SHMT1: variants seen among roughly 807,000 people sequenced by gnomAD.
The protein encoded by SHMT1 is serine hydroxymethyltransferase, cytosolic.
A neutral mutation model predicts 49.0 loss-of-function variants in SHMT1; 45 were observed. That is an observed-to-expected ratio of 0.92 (90% CI 0.72 to 1.18). SHMT1 has a LOEUF of 1.18. Ranked by LOEUF, SHMT1 falls within the 50% of genes most tolerant of loss-of-function variation. The pLI is 0.00. For synonymous variants in SHMT1, 232 were observed against 246.6 expected (o/e 0.94, Z 0.55); for missense variants, 541 against 612.4 (o/e 0.88, Z 1.23).
At chr17:18,350,062 C>T (rs1472725745) in intron 3 of SHMT1, among the ~76,000 whole-genome samples, 1 of 152,038 alleles carries the variant, frequency 6.6e-6, no homozygotes, top group Non-Finnish European at 1.5e-5. Flanking sequence ...GGCACGGTGG[C>T]TCACGCCTGT....
chr17:18,340,139 C>G lies in SHMT1; in HGVS notation c.718G>C (p.Val240Leu), dbSNP rs150889470. ...AHISGLVAAG[V>L]VPSPFEHCHV... is the part of the protein sequence containing the mutation. ...CAGTGTTCAAATGGGGAGGGCACCA[C>G]GCCAGCCGCCACCAGCCCGCTGATG... The change falls in exon 7 of 12, where the codon GTG (valine) becomes CTG (leucine). Residue 240 changes from valine (V) to leucine (L), a missense_variant. Physicochemically the swap from Val to Leu is conservative, Grantham distance 32. Transcript: ENST00000316694. The surrounding 1 kb of genome is among the most constrained non-coding windows in gnomAD (Gnocchi z 4.5). The G allele has an allele frequency of 3.1e-6, 5 of 1,614,150 alleles. No homozygotes were observed. Among genetic ancestry groups the G allele is most frequent in the Non-Finnish European group, 4.2e-6 (5 of 1,180,026 alleles).
rs749330512 is a variant in SHMT1, at chr17:18,328,890, C to T, written c.1312G>A (p.Asp438Asn). The change falls in exon 12 of 12, where the codon GAC (aspartate) becomes AAC (asparagine). Residue 438 changes from aspartate to asparagine, a missense_variant. Coordinates refer to ENST00000316694, the MANE Select transcript of SHMT1 (RefSeq NM_004169.5). ...GIELTLQIQS[D>N]TGVRATLKEF... ...TTCAGGGTGGCTCTGACACCAGTGT[C>T]GCTCTGGATCTGCAGGGTCAGCTCT... 9 of 1,613,844 alleles carry T rather than the reference C, an allele frequency of 5.6e-6. No individual in the cohort carries two copies. Among genetic ancestry groups the T allele is most frequent in the South Asian group, 2.2e-5 (2 of 91,070 alleles).
chr17:18,330,121 G>A (rs1054482419), intron 10 of SHMT1, among the ~76,000 whole-genome samples: 4 of 150,566 alleles, frequency 2.7e-5, no homozygotes, highest in Non-Finnish European at 5.9e-5. Flanking sequence ...TTACAGGTGT[G>A]AACCACTGCA....
chr17:18,338,496 C>T (rs1341418776), intron 7 of SHMT1, among the ~76,000 whole-genome samples: 4 of 152,090 alleles, frequency 2.6e-5, no homozygotes, highest in Non-Finnish European at 5.9e-5. Context: ...AGCCCCTCTG[C>T]CCGGCCGCCC....
Position 18,328,566 on chromosome 17 carries a change from CAAT to C in SHMT1, c.*181_*183del. The C allele has an allele frequency of 1.6e-6, 1 of 631,588 alleles. No individual in the cohort carries two copies. Among genetic ancestry groups the C allele is most frequent in the Non-Finnish European group, 2.7e-6 (1 of 366,458 alleles). The allele number at this position is 631,588 out of a possible 1,614,324, so 39.1% of individuals were successfully genotyped here. A position where few individuals can be genotyped will look rare whatever the true frequency, so the allele number is the denominator to read the frequency against. On this transcript the variant is annotated 3_prime_UTR_variant, in exon 12 of 12. Coordinates refer to ENST00000316694, the MANE Select transcript of SHMT1 (RefSeq NM_004169.5). ...TAATAACCTGTCCCAGAATTACTAA[CAAT>C]GAGACTTAAACAAATTTTGATTTGT...
In SHMT1 at chr17:18,357,279, C is replaced by CA. The variant is rs10560620; in HGVS notation, c.-19-1280dup. Among the ~76,000 whole-genome samples the CA allele has an allele frequency of 5.2e-3, 461 of 89,494 alleles. 18 individuals are homozygous for CA. The highest frequency in any genetic ancestry group is 0.018 in the South Asian group (41 of 2,332). 58.7% of individuals were successfully genotyped at this position (89,494 alleles called of 152,430 possible). ...CTGGCCATAGAGCAAGACTCCACCTCAAAAAAAAAAAAAAAAAAAAAAAAA... is the reference window on the plus strand; with the variant it reads ...CTGGCCATAGAGCAAGACTCCACCTCAAAAAAAAAAAAAAAAAAAAAAAAAA... On this transcript the variant is annotated intron_variant, in intron 1 of 11. Transcript: ENST00000316694.
chr17:18,335,414 A>G lies in SHMT1; in HGVS notation c.931+145T>C, dbSNP rs528443539. 1.7e-5 allele frequency: 12 copies of G among 697,434 alleles called. No homozygotes were observed. In the African/African-American group the frequency reaches 1.8e-4, roughly 10 times the overall value. The allele number at this position is 697,434 out of a possible 1,614,324, so 43.2% of individuals were successfully genotyped here. On this transcript the variant is annotated intron_variant, in intron 8 of 11. Transcript: ENST00000316694. ...TCCCTACCTTAGGCCAGTCTCAACC[A>G]TGCCCTACTCTGTGTTAGCATCTCC...
chr17:18,359,815 G>A (rs909707038), intron 1 of SHMT1, among the ~76,000 whole-genome samples: 4 of 151,936 alleles, frequency 2.6e-5, no homozygotes, highest in African/African-American at 7.2e-5. Flanking sequence ...GTGTGGTGGC[G>A]CCCGCCTGTA....
intron 2 of SHMT1, among the ~76,000 whole-genome samples, chr17:18,354,890 AATAC>A: frequency 7.5e-6 from 1 of 133,184 alleles, no homozygotes; most frequent in East Asian, 2.3e-4. Flanking sequence ...AAAAAAAAAT[AATAC>A]AAAAAATTAG....
In SHMT1 at chr17:18,328,199, C is replaced by G; in HGVS notation, c.*551G>C. The stretch of plus-strand genomic sequence containing the variant: ...TCTACACCATACTTTGAGCTACTGA[C>G]AGCAAAACCCTCCCACCATACTGGG... On this transcript the variant is annotated 3_prime_UTR_variant, in exon 12 of 12. Transcript: ENST00000316694. 1 of 161,968 alleles carries G rather than the reference C, an allele frequency of 6.2e-6. No individual in the cohort carries two copies. Among genetic ancestry groups the G allele is most frequent in the South Asian group, 1.6e-4 (1 of 6,086 alleles). The allele number at this position is 161,968 out of a possible 1,614,324, so 10.0% of individuals were successfully genotyped here.
chr17:18,335,883 T>A (rs1367497319), intron 7 of SHMT1, among the ~76,000 whole-genome samples: 1 of 152,136 alleles, frequency 6.6e-6, no homozygotes, highest in East Asian at 1.9e-4. Context: ...AACCAACACA[T>A]CATGGATGAC....
intron 3 of SHMT1, among the ~76,000 whole-genome samples, chr17:18,350,088 G>A (rs963175564): frequency 3.9e-5 from 6 of 152,092 alleles, no homozygotes; most frequent in Non-Finnish European, 5.9e-5. Flanking sequence ...CAGCACTTTC[G>A]GAGGCCGAGG....
chr17:18,329,886 C>T (rs949679024), intron 10 of SHMT1, among the ~76,000 whole-genome samples: 3 of 152,236 alleles, frequency 2.0e-5, no homozygotes, highest in African/African-American at 7.2e-5. Flanking sequence ...TTTTTTGAGA[C>T]GGAGTCTCAC....
At chr17:18,354,515 G>T (rs948074562) in intron 2 of SHMT1, among the ~76,000 whole-genome samples, 1 of 152,202 alleles carries the variant, frequency 6.6e-6, no homozygotes, top group Non-Finnish European at 1.5e-5. Context: ...AGAATCGCTT[G>T]AACCTGGGAG....
At chr17:18,341,246 A>G (rs1206774634) in intron 5 of SHMT1, 2 of 241,482 alleles carry the variant, frequency 8.3e-6, no homozygotes, top group African/African-American at 4.5e-5. Context: ...AAAAACTGAC[A>G]TTACACACAG....
rs1982861360 is a variant in SHMT1, at chr17:18,328,930, A to T, written c.1283-11T>A. 1.9e-6 allele frequency: 3 copies of T among 1,613,654 alleles called. No homozygotes were observed. The African/African-American group carries it at 4.0e-5, about 22-fold the overall frequency. On this transcript the variant is annotated splice_polypyrimidine_tract_variant and intron_variant, in intron 11 of 11. Coordinates refer to ENST00000316694, the MANE Select transcript of SHMT1 (RefSeq NM_004169.5). ...GGGTCAGCTCTATCCCTGTGCCACA[A>T]GACACAAATGAGTCACCCCACACTA...
At chr17:18,360,869 TAAAG>T (rs1409486825) in intron 1 of SHMT1, among the ~76,000 whole-genome samples, 1 of 151,992 alleles carries the variant, frequency 6.6e-6, no homozygotes, top group African/African-American at 2.4e-5. Flanking sequence ...CCCGTCTCTC[TAAAG>T]AAAGAAAAAA....
chr17:18,333,031 G>A (rs761923881), intron 9 of SHMT1, 135 bp downstream of exon 9: 9 of 1,168,590 alleles, frequency 7.7e-6, no homozygotes, highest in Non-Finnish European at 1.1e-5. Flanking sequence ...AGGCGAGGCT[G>A]ACCTCCTCCC....
chr17:18,359,367 C>T (rs1200203082), intron 1 of SHMT1, among the ~76,000 whole-genome samples: 3 of 151,698 alleles, frequency 2.0e-5, no homozygotes, highest in Non-Finnish European at 4.4e-5. Context: ...AGTGAAACCA[C>T]GTCTCTACAA....
Sources: allele counts gnomAD v4.1 joint callset (sites outside exome capture counted in the v4.1 genomes callset), GRCh38; gene constraint gnomAD v4.1.1; non-coding constraint Gnocchi (gnomAD v3.1); transcripts MANE v1.5; gene names NCBI Gene and HGNC (gene_info 2026-07-23, HGNC 2026-07-21).